The following FOXN3 variants were observed in gnomAD, a reference collection of about 807,000 sequenced individuals.
FOXN3 encodes forkhead box protein N3.
Under a neutral mutation model 38.4 loss-of-function variants are expected in FOXN3, and 7 were observed. The observed-to-expected ratio is 0.18, with a 90% CI of 0.10 to 0.34. FOXN3 has a LOEUF of 0.34. Ranked by LOEUF, FOXN3 falls within the 10% of genes least tolerant of loss-of-function variation. The pLI is 1.00. For missense variants in FOXN3, 456 were observed against 613.4 expected, an observed-to-expected ratio of 0.74 and a Z score of 2.71; for synonymous variants, 230 against 242.2, an observed-to-expected ratio of 0.95 and a Z score of 0.47.
At chr14:89,527,677 A>G (rs73331155) in intron 1 of FOXN3, among the ~76,000 whole-genome samples, 1,605 of 151,828 alleles carry the variant, frequency 0.011, 19 homozygotes, top group African/African-American at 0.037. Context: ...ATGAGATATT[A>G]CCATTACATT....
At chr14:89,489,682 T>G (rs1036773140) in intron 1 of FOXN3, among the ~76,000 whole-genome samples, 52 of 152,206 alleles carry the variant, frequency 3.4e-4, no homozygotes, top group African/African-American at 1.2e-3. Flanking sequence ...CATTTACTAA[T>G]TTATTTCCAT....
intron 1 of FOXN3, among the ~76,000 whole-genome samples, chr14:89,507,396 C>T (rs879101428): frequency 6.6e-6 from 1 of 152,124 alleles, no homozygotes; most frequent in Admixed American, 6.5e-5. Flanking sequence ...CCTTAGCAGG[C>T]CAGGTAACAC....
chr14:89,614,981 G>A (rs1342592709), intron 1 of FOXN3, among the ~76,000 whole-genome samples: 4 of 152,114 alleles, frequency 2.6e-5, no homozygotes, highest in South Asian at 2.1e-4. Context: ...TCTAGGAATT[G>A]AAGCAATTAA....
chr14:89,460,201 G>A (rs1892814205), intron 1 of FOXN3, among the ~76,000 whole-genome samples: 2 of 152,202 alleles, frequency 1.3e-5, no homozygotes, highest in African/African-American at 4.8e-5. Context: ...GGGAAGGCTG[G>A]CAGGCTGTGT....
At chr14:89,540,466 G>A (rs8012187) in intron 1 of FOXN3, among the ~76,000 whole-genome samples, 3,113 of 152,284 alleles carry the variant, frequency 0.02, 102 homozygotes, top group African/African-American at 0.071. Flanking sequence ...TGGGCACGGT[G>A]ACTCACGCCT....
intron 1 of FOXN3, among the ~76,000 whole-genome samples, chr14:89,448,043 A>C (rs1596277805): frequency 6.6e-6 from 1 of 151,422 alleles, no homozygotes; most frequent in African/African-American, 2.4e-5. Context: ...CGAACTCCTG[A>C]CCTCGTGATC....
intron 4 of FOXN3, among the ~76,000 whole-genome samples, chr14:89,252,403 C>G (rs1157887925): frequency 2.0e-5 from 3 of 152,006 alleles, no homozygotes; most frequent in Non-Finnish European, 4.4e-5. Flanking sequence ...ACCTGTAATC[C>G]CAGCACTTTG....
At chr14:89,356,728 C>G (rs1248513244) in intron 2 of FOXN3, among the ~76,000 whole-genome samples, 1 of 152,120 alleles carries the variant, frequency 6.6e-6, no homozygotes, top group Non-Finnish European at 1.5e-5. Context: ...GTGGTGCCTA[C>G]TACATGCCAG....
At chr14:89,428,536 T>C (rs10148621) in intron 1 of FOXN3, among the ~76,000 whole-genome samples, 1 of 152,110 alleles carries the variant, frequency 6.6e-6, no homozygotes, top group Non-Finnish European at 1.5e-5. Flanking sequence ...AAAGACGTGA[T>C]TCTGACTGGT....
chr14:89,438,012 G>C (rs1482356763), intron 1 of FOXN3, among the ~76,000 whole-genome samples: 2 of 152,226 alleles, frequency 1.3e-5, no homozygotes, highest in Non-Finnish European at 2.9e-5. Context: ...AAAGTAGATG[G>C]TTAACAAATG....
At chr14:89,599,494 T>C (rs1896117979) in intron 1 of FOXN3, among the ~76,000 whole-genome samples, 1 of 152,232 alleles carries the variant, frequency 6.6e-6, no homozygotes. Context: ...ATCACAGTTA[T>C]GGTAGGGACC....
At chr14:89,532,809 C>T (rs1336472230) in intron 1 of FOXN3, among the ~76,000 whole-genome samples, 10 of 152,102 alleles carry the variant, frequency 6.6e-5, no homozygotes, top group Admixed American at 6.6e-4. Context: ...ACAAAAACCA[C>T]TATTGTAGGC....
chr14:89,355,621 G>A (rs1311296165), intron 2 of FOXN3, among the ~76,000 whole-genome samples: 2 of 152,226 alleles, frequency 1.3e-5, no homozygotes, highest in Admixed American at 6.5e-5. Context: ...AAGCAGCACT[G>A]TTTTAATGGA....
At chr14:89,509,313 TAC>T (rs1894010435) in intron 1 of FOXN3, among the ~76,000 whole-genome samples, 1 of 137,638 alleles carries the variant, frequency 7.3e-6, no homozygotes, top group African/African-American at 2.5e-5. Flanking sequence ...GCAAATTATA[TAC>T]AGTTTTTTTT....
intron 1 of FOXN3, among the ~76,000 whole-genome samples, chr14:89,560,822 A>G (rs113594584): frequency 5.9e-5 from 9 of 152,338 alleles, no homozygotes; most frequent in African/African-American, 1.9e-4. Flanking sequence ...GGAATCTACC[A>G]GTCAGTAAAC....
chr14:89,424,826 A>G (rs1267013042), intron 1 of FOXN3, among the ~76,000 whole-genome samples: 1 of 152,050 alleles, frequency 6.6e-6, no homozygotes, highest in East Asian at 1.9e-4. Flanking sequence ...TTGAAGCTAC[A>G]GTAAGCCGTG....
chr14:89,264,607 C>T (rs1885913838), intron 4 of FOXN3, among the ~76,000 whole-genome samples: 1 of 152,108 alleles, frequency 6.6e-6, no homozygotes, highest in African/African-American at 2.4e-5. Flanking sequence ...AACATACAGC[C>T]AAGGTGATCA....
chr14:89,172,489 C>T (rs917545441), intron 5 of FOXN3, among the ~76,000 whole-genome samples: 5 of 152,142 alleles, frequency 3.3e-5, no homozygotes, highest in Non-Finnish European at 5.9e-5. Flanking sequence ...TTCTTGTTCG[C>T]GCACTCCCTT....
chr14:89,219,591 G>A (rs937377346), intron 4 of FOXN3, among the ~76,000 whole-genome samples: 2 of 152,236 alleles, frequency 1.3e-5, no homozygotes, highest in South Asian at 2.1e-4. Context: ...AACATCTGGC[G>A]AGTGGATGGC....
Sources: gnomAD v4.1 joint callset for allele counts (sites outside exome capture counted in the v4.1 genomes callset) on GRCh38, gnomAD v4.1.1 for gene constraint, MANE v1.5 for transcripts, NCBI Gene and HGNC (gene_info 2026-07-23, HGNC 2026-07-21) for gene names.